The following LRPPRC variants were observed in gnomAD, a reference collection of about 807,000 sequenced individuals.
The protein encoded by LRPPRC is leucine-rich PPR motif-containing protein, mitochondrial.
Under a neutral mutation model 180.3 loss-of-function variants are expected in LRPPRC, and 120 were observed. The observed-to-expected ratio is 0.67, with a 90% CI of 0.57 to 0.77. LRPPRC has a LOEUF of 0.77. LRPPRC is among the 30% of genes least tolerant of loss of function. The probability of loss-of-function intolerance (pLI) is 0.00; values close to 1 mark genes in which losing one functional copy is unlikely to be tolerated. For synonymous variants in LRPPRC, 723 were observed against 600.0 expected, an observed-to-expected ratio of 1.21 and a Z score of -3.00; for missense variants, 2,012 against 1,657.2, an observed-to-expected ratio of 1.21 and a Z score of -3.72.
At chr2:43,927,546 T>G (rs1051416421) in intron 25 of LRPPRC, among the ~76,000 whole-genome samples, 9 of 152,140 alleles carry the variant, frequency 5.9e-5, no homozygotes, top group Admixed American at 1.3e-4. Flanking sequence ...TTGTTTTGTT[T>G]CACACGCATA....
intron 14 of LRPPRC, among the ~76,000 whole-genome samples, chr2:43,954,783 T>C (rs1483830905): frequency 6.6e-6 from 1 of 152,122 alleles, no homozygotes; most frequent in African/African-American, 2.4e-5. Flanking sequence ...AAAGGAGTGA[T>C]TGAAAATTTA....
chr2:43,977,605 T>C (rs1674118250), intron 3 of LRPPRC, among the ~76,000 whole-genome samples: 1 of 152,178 alleles, frequency 6.6e-6, no homozygotes, highest in Non-Finnish European at 1.5e-5. Context: ...GATTTTTCTA[T>C]ATAAAGCAGT....
At chr2:43,926,087 A>C (rs914329494) in intron 25 of LRPPRC, 126 bp from the exon 26 acceptor site, 1 of 657,850 alleles carries the variant, frequency 1.5e-6, no homozygotes, top group Non-Finnish European at 2.8e-6. Flanking sequence ...TTATATACTA[A>C]ACTATATATA....
chr2:43,986,903 A>T (rs8179674), intron 1 of LRPPRC, among the ~76,000 whole-genome samples: 61,246 of 152,080 alleles, frequency 0.4, 13,260 homozygotes, highest in Non-Finnish European at 0.49. Flanking sequence ...GTAAAGTACA[A>T]AACTAGTTTT....
intron 35 of LRPPRC, among the ~76,000 whole-genome samples, chr2:43,894,980 C>T (rs755066662): frequency 1.3e-5 from 2 of 152,144 alleles, no homozygotes; most frequent in Non-Finnish European, 2.9e-5. Context: ...GGTGCCACAA[C>T]TGGTTGATGA....
chr2:43,955,493 G>C (rs202067690), intron 14 of LRPPRC, among the ~76,000 whole-genome samples: 1 of 131,560 alleles, frequency 7.6e-6, no homozygotes, highest in Non-Finnish European at 1.6e-5. Context: ...AAAAAAAAAA[G>C]AAAAGAAAAT....
intron 13 of LRPPRC, among the ~76,000 whole-genome samples, chr2:43,960,257 A>G (rs1228945979): frequency 6.6e-6 from 1 of 152,228 alleles, no homozygotes; most frequent in Non-Finnish European, 1.5e-5. Context: ...GACTTCTTCT[A>G]AATCACATAA....
intron 11 of LRPPRC, among the ~76,000 whole-genome samples, chr2:43,972,886 C>T (rs1673879603): frequency 6.6e-6 from 1 of 151,978 alleles, no homozygotes; most frequent in Non-Finnish European, 1.5e-5. Context: ...TTTTTTGTTT[C>T]CCCAAGGGGA....
chr2:43,979,212 T>C (rs1674193078), intron 3 of LRPPRC, among the ~76,000 whole-genome samples: 2 of 152,144 alleles, frequency 1.3e-5, no homozygotes, highest in Non-Finnish European at 1.5e-5. Context: ...ATCATCCTTC[T>C]AGAAATATTT....
At chr2:43,923,284 T>C (rs1013631516) in intron 27 of LRPPRC, among the ~76,000 whole-genome samples, 1 of 149,046 alleles carries the variant, frequency 6.7e-6, no homozygotes, top group African/African-American at 2.5e-5. Context: ...TTCAAGACCA[T>C]CCTGGGCAAC....
intron 1 of LRPPRC, among the ~76,000 whole-genome samples, chr2:43,990,698 A>G (rs929252471): frequency 4.6e-5 from 7 of 152,296 alleles, no homozygotes; most frequent in African/African-American, 1.4e-4. Flanking sequence ...TCTCTGAAAT[A>G]CCACAATATT....
intron 30 of LRPPRC, among the ~76,000 whole-genome samples, chr2:43,908,750 C>A (rs957549938): frequency 1.3e-5 from 2 of 152,190 alleles, no homozygotes; most frequent in African/African-American, 4.8e-5. Context: ...TGGTCTTGAA[C>A]TCCTGACTGC....
chr2:43,954,333 G>T (rs1178533091), intron 14 of LRPPRC, among the ~76,000 whole-genome samples: 1 of 152,162 alleles, frequency 6.6e-6, no homozygotes, highest in African/African-American at 2.4e-5. Context: ...AATCCAAATG[G>T]CCAATAAGTA....
At chr2:43,925,462 G>C (rs1671842895) in intron 26 of LRPPRC, among the ~76,000 whole-genome samples, 1 of 152,126 alleles carries the variant, frequency 6.6e-6, no homozygotes, top group Non-Finnish European at 1.5e-5. Context: ...AACTCAATGA[G>C]TGTATCGTAC....
At chr2:43,969,293 T>C (rs1268587241) in intron 11 of LRPPRC, among the ~76,000 whole-genome samples, 2 of 151,764 alleles carry the variant, frequency 1.3e-5, no homozygotes, top group East Asian at 3.9e-4. Flanking sequence ...GCGCCTGTAG[T>C]CCCAGCTACT....
intron 14 of LRPPRC, among the ~76,000 whole-genome samples, chr2:43,957,040 T>C (rs1422589866): frequency 6.6e-6 from 1 of 152,196 alleles, no homozygotes; most frequent in Admixed American, 6.5e-5. Flanking sequence ...GAATGATACT[T>C]TACTGAATAA....
Position 43,950,515 on chromosome 2 carries a change from T to C in LRPPRC, c.1677+58A>G, listed in dbSNP as rs536111233. ...ATGATAAAAATTATTACATAACCTA[T>C]GGTATTGGCTTGTAACGTTAAAAGC... On this transcript the variant is annotated intron_variant, in intron 15 of 37. Transcript: ENST00000260665. 65 of 1,389,286 alleles carry C rather than the reference T, an allele frequency of 4.7e-5. No individual in the cohort carries two copies. The South Asian group carries it at 6.3e-4, about 14-fold the overall frequency. 86.1% of individuals were successfully genotyped at this position (1,389,286 alleles called of 1,614,324 possible).
At chr2:43,990,189 A>T (rs1412864018) in intron 1 of LRPPRC, among the ~76,000 whole-genome samples, 1 of 152,142 alleles carries the variant, frequency 6.6e-6, no homozygotes, top group Admixed American at 6.5e-5. Context: ...GTTACACTCC[A>T]GCCTGGGTGG....
intron 25 of LRPPRC, among the ~76,000 whole-genome samples, chr2:43,930,496 T>A (rs1469763507): frequency 6.6e-6 from 1 of 152,216 alleles, no homozygotes; most frequent in Non-Finnish European, 1.5e-5. Flanking sequence ...TGGTTGAACA[T>A]CCCAAATTCG....
Sources: gnomAD v4.1 joint callset for allele counts (sites outside exome capture counted in the v4.1 genomes callset) on GRCh38, gnomAD v4.1.1 for gene constraint, MANE v1.5 for transcripts, NCBI Gene and HGNC (gene_info 2026-07-23, HGNC 2026-07-21) for gene names.